Variants in GAS7 observed in about 807,000 individuals in gnomAD.
GAS7 encodes growth arrest specific 7.
In GAS7, 28 loss-of-function variants were observed where a neutral mutation model predicts 71.1. That is an observed-to-expected ratio of 0.39 (90% CI 0.29 to 0.54). The LOEUF is 0.54. Among genes scored for constraint, GAS7 ranks in the 20% least tolerant of loss-of-function variants. The pLI is 0.62. For missense variants in GAS7, 436 were observed against 627.8 expected (o/e 0.69, Z 3.27); for synonymous variants, 258 against 245.8 (o/e 1.05, Z -0.46).
intron 2 of GAS7, among the ~76,000 whole-genome samples, chr17:9,984,727 A>G (rs2070570066): frequency 6.6e-6 from 1 of 152,236 alleles, no homozygotes; most frequent in Non-Finnish European, 1.5e-5. Context: ...AGGCTGGGAA[A>G]GAGCATTAAT....
At chr17:10,097,393 C>T (rs1190328846) in intron 1 of GAS7, among the ~76,000 whole-genome samples, 1 of 152,170 alleles carries the variant, frequency 6.6e-6, no homozygotes, top group Admixed American at 6.5e-5. Flanking sequence ...CTCAGTCTCT[C>T]GGGGCTCTGC....
chr17:10,002,658 G>C (rs910904368), intron 2 of GAS7, among the ~76,000 whole-genome samples: 2 of 152,110 alleles, frequency 1.3e-5, no homozygotes, highest in African/African-American at 4.8e-5. Flanking sequence ...AGAACATGCA[G>C]TGTTTGGTTT....
chr17:10,103,835 C>CAAA lies in GAS7; in HGVS notation c.184-83941_184-83939dup, dbSNP rs776629494. Among the ~76,000 whole-genome samples, 6 of 122,172 alleles carry CAAA rather than the reference C, an allele frequency of 4.9e-5. 1 individual carries two copies. 80.1% of individuals were successfully genotyped at this position (122,172 alleles called of 152,430 possible). On this transcript the variant is annotated intron_variant, in intron 1 of 13. Coordinates refer to ENST00000432992, the MANE Select transcript of GAS7 (RefSeq NM_201433.2). This position sits in a 1 kb window ranked among gnomAD's most constrained non-coding sequence, Gnocchi z 5.5. Reference sequence around the variant, plus strand: ...AGCAAGACTGCATCTCAAAAAATCTCAAAAAAAAAAAAAAAGAAGCAAACC... The same window carrying CAAA: ...AGCAAGACTGCATCTCAAAAAATCTCAAAAAAAAAAAAAAAAAAGAAGCAAACC...
At chr17:9,930,257 C>T (rs888150102) in intron 9 of GAS7, among the ~76,000 whole-genome samples, 1 of 152,108 alleles carries the variant, frequency 6.6e-6, no homozygotes, top group African/African-American at 2.4e-5. Flanking sequence ...TACCTACAGA[C>T]AGGTTCTGAA....
chr17:10,012,105 T>C (rs372760605), intron 2 of GAS7, among the ~76,000 whole-genome samples: 4 of 152,152 alleles, frequency 2.6e-5, no homozygotes, highest in African/African-American at 9.7e-5. Flanking sequence ...TCTTGACTAA[T>C]ACATTAAACT....
chr17:9,959,260 G>A lies in GAS7; in HGVS notation c.472-5C>T. ...TGGCGATGAGGATCCCAGGTTCTGG[G>A]GAGAGAGGCAAGAAACATCGTCAAA... On this transcript the variant is annotated splice_polypyrimidine_tract_variant and splice_region_variant and intron_variant, in intron 4 of 13. Transcript: ENST00000432992. The surrounding 1 kb of genome is among the most constrained non-coding windows in gnomAD (Gnocchi z 5.0). 1 of 1,614,150 alleles carries A rather than the reference G, an allele frequency of 6.2e-7. No homozygotes were observed. Among genetic ancestry groups the A allele is most frequent in the Non-Finnish European group, 8.5e-7 (1 of 1,179,984 alleles).
At chr17:10,080,291 T>C (rs73273842) in intron 1 of GAS7, among the ~76,000 whole-genome samples, 2,640 of 152,228 alleles carry the variant, frequency 0.017, 72 homozygotes, top group African/African-American at 0.061. Context: ...AGTTACCCTA[T>C]ATGGTCTATA....
chr17:9,918,107 G>A lies in GAS7; in HGVS notation c.1219-8C>T. 6.2e-7 allele frequency: 1 copy of A among 1,606,886 alleles called. No homozygotes were observed. The highest frequency in any genetic ancestry group is 2.2e-5 in the East Asian group (1 of 44,848). ...CTCCAGCCGCTCTAGCTCCTGCCGAGAAAGCAAAGGCCAGAGAACTCTGAG... is the reference window on the plus strand; with the variant it reads ...CTCCAGCCGCTCTAGCTCCTGCCGAAAAAGCAAAGGCCAGAGAACTCTGAG... On this transcript the variant is annotated splice_polypyrimidine_tract_variant and splice_region_variant and intron_variant, in intron 12 of 13. Coordinates refer to ENST00000432992, the MANE Select transcript of GAS7 (RefSeq NM_201433.2).
intron 8 of GAS7, among the ~76,000 whole-genome samples, chr17:9,936,316 G>A (rs1340826594): frequency 1.3e-5 from 2 of 152,130 alleles, no homozygotes; most frequent in African/African-American, 4.8e-5. Flanking sequence ...AGCCAAAAAG[G>A]CCCCAGGCGG....
At chr17:10,174,463 C>T (rs550708870) in intron 1 of GAS7, among the ~76,000 whole-genome samples, 9 of 152,246 alleles carry the variant, frequency 5.9e-5, no homozygotes, top group African/African-American at 1.7e-4. Context: ...GAGGCCGAGA[C>T]GGGCGGATCA....
At chr17:10,191,370 G>C (rs2074498044) in intron 1 of GAS7, among the ~76,000 whole-genome samples, 1 of 150,494 alleles carries the variant, frequency 6.6e-6, no homozygotes, top group Admixed American at 6.6e-5. Context: ...AAGAGTTTGA[G>C]ACCAGTCTGA....
chr17:10,063,951 GC>G (rs1489387235), intron 1 of GAS7, among the ~76,000 whole-genome samples: 1 of 152,092 alleles, frequency 6.6e-6, no homozygotes, highest in Non-Finnish European at 1.5e-5. Context: ...TCCTCCAAAG[GC>G]CATTGCCAAA....
intron 1 of GAS7, among the ~76,000 whole-genome samples, chr17:10,183,923 C>G (rs1439068948): frequency 2.0e-5 from 3 of 152,112 alleles, no homozygotes; most frequent in Admixed American, 2.0e-4. Context: ...GTACGCAGAC[C>G]TGCCACCCTC....
At chr17:9,977,526 C>CT (rs1567846899) in intron 3 of GAS7, among the ~76,000 whole-genome samples, 1 of 152,184 alleles carries the variant, frequency 6.6e-6, no homozygotes, top group Non-Finnish European at 1.5e-5. Context: ...TACTGAATGG[C>CT]GTCTTAGGTG....
chr17:9,932,840 C>T (rs1040111955), intron 9 of GAS7, among the ~76,000 whole-genome samples: 2 of 152,114 alleles, frequency 1.3e-5, no homozygotes, highest in African/African-American at 4.8e-5. Context: ...ACCCTGCCCT[C>T]GAGTCCTGGC....
intron 2 of GAS7, among the ~76,000 whole-genome samples, chr17:9,994,791 G>A (rs2070975408): frequency 6.6e-6 from 1 of 151,924 alleles, no homozygotes; most frequent in South Asian, 2.1e-4. Flanking sequence ...CTGACAAAGG[G>A]CTAATATCCA....
At chr17:10,005,626 G>A (rs114384391) in intron 2 of GAS7, among the ~76,000 whole-genome samples, 2 of 152,108 alleles carry the variant, frequency 1.3e-5, no homozygotes, top group East Asian at 1.9e-4. Context: ...AGATGTTTAC[G>A]AAAAAAACTC....
rs187055428 is a variant in GAS7 at position 10,090,908 on chromosome 17, G to A, written c.184-71011C>T. The stretch of plus-strand genomic sequence containing the variant: ...GAACACTTCGACATGCTGGAGAGCC[G>A]CTTGAAAAGTGGGGTTCCACTGTCA... On this transcript the variant is annotated intron_variant, in intron 1 of 13. Coordinates refer to ENST00000432992, the MANE Select transcript of GAS7 (RefSeq NM_201433.2). Among the ~76,000 whole-genome samples the A allele has an allele frequency of 3.5e-4, 54 of 152,216 alleles. 1 individual carries two copies. The highest frequency in any genetic ancestry group is 7.1e-4 in the Non-Finnish European group (48 of 68,022).
intron 2 of GAS7, among the ~76,000 whole-genome samples, chr17:10,007,331 G>A (rs1269579509): frequency 6.6e-6 from 1 of 152,056 alleles, no homozygotes; most frequent in Non-Finnish European, 1.5e-5. Flanking sequence ...GACGTCTAAA[G>A]AATGGTTTCT....
Sources: allele counts gnomAD v4.1 joint callset (sites outside exome capture counted in the v4.1 genomes callset), GRCh38; gene constraint gnomAD v4.1.1; non-coding constraint Gnocchi (gnomAD v3.1); transcripts MANE v1.5; gene names NCBI Gene and HGNC (gene_info 2026-07-23, HGNC 2026-07-21).